Variants in IL1RAPL1 observed in about 807,000 individuals in gnomAD.
IL1RAPL1 encodes the protein interleukin-1 receptor accessory protein-like 1.
A neutral mutation model predicts 48.4 loss-of-function variants in IL1RAPL1; 3 were observed. That is an observed-to-expected ratio of 0.06 (90% CI 0.03 to 0.16). IL1RAPL1 has a LOEUF of 0.16. Ranked by LOEUF, IL1RAPL1 falls within the 10% of genes least tolerant of loss-of-function variation. The pLI is 1.00. For missense variants in IL1RAPL1, 349 were observed against 530.6 expected, an observed-to-expected ratio of 0.66 and a Z score of 3.36; for synonymous variants, 185 against 187.7, an observed-to-expected ratio of 0.99 and a Z score of 0.12.
At chrX:28,877,223 G>A (rs1407911773) in intron 2 of IL1RAPL1, among the ~76,000 whole-genome samples, 1 of 112,086 alleles carries the variant, frequency 8.9e-6, no homozygotes. Context: ...GAACTGTCCT[G>A]GAATGTTATG....
At chrX:29,825,925 A>T (rs1039862022) in intron 6 of IL1RAPL1, among the ~76,000 whole-genome samples, 2 of 111,129 alleles carry the variant, frequency 1.8e-5, no homozygotes, top group Non-Finnish European at 3.8e-5. Flanking sequence ...TCGGGTTGAG[A>T]GTTTTTTGTT....
intron 6 of IL1RAPL1, among the ~76,000 whole-genome samples, chrX:29,676,409 C>CGG (rs1410932983): frequency 1.8e-5 from 2 of 111,747 alleles, no homozygotes; most frequent in Non-Finnish European, 3.8e-5. Context: ...GCAGCAGATA[C>CGG]AGCCTTCATT....
chrX:28,992,562 T>C (rs1428114998), intron 2 of IL1RAPL1, among the ~76,000 whole-genome samples: 1 of 104,645 alleles, frequency 9.6e-6, no homozygotes, highest in Non-Finnish European at 2.0e-5. Context: ...GAAATAACAA[T>C]TGGCTTTATA....
chrX:29,563,331 G>T (rs1375053933), intron 5 of IL1RAPL1, among the ~76,000 whole-genome samples: 3 of 111,578 alleles, frequency 2.7e-5, no homozygotes, highest in African/African-American at 9.8e-5. Flanking sequence ...TAAGAATAGA[G>T]CTAAATTAAA....
At chrX:28,605,339 G>A (rs1934071643) in intron 1 of IL1RAPL1, among the ~76,000 whole-genome samples, 1 of 111,667 alleles carries the variant, frequency 9.0e-6, no homozygotes, top group South Asian at 3.7e-4. Context: ...TACTTTGTTC[G>A]CAATTTTCCC....
chrX:29,919,289 C>A, intron 7 of IL1RAPL1, among the ~76,000 whole-genome samples: 1 of 111,726 alleles, frequency 9.0e-6, no homozygotes, highest in East Asian at 2.8e-4. Flanking sequence ...CTAACTTTTA[C>A]CCCCTCTGGC....
chrX:29,458,163 A>G (rs1382103511), intron 5 of IL1RAPL1, among the ~76,000 whole-genome samples: 2 of 112,240 alleles, frequency 1.8e-5, no homozygotes, highest in Admixed American at 9.4e-5. Context: ...AGTTCCTTAT[A>G]CATTCTGGAT....
chrX:29,848,826 T>C (rs1041021063), intron 6 of IL1RAPL1, among the ~76,000 whole-genome samples: 1 of 110,784 alleles, frequency 9.0e-6, no homozygotes, highest in Non-Finnish European at 1.9e-5. Flanking sequence ...AGTGCAGTGG[T>C]GCGATCTCGG....
chrX:29,826,085 C>T (rs1930733174), intron 6 of IL1RAPL1, among the ~76,000 whole-genome samples: 1 of 111,530 alleles, frequency 9.0e-6, no homozygotes, highest in Non-Finnish European at 1.9e-5. Context: ...ACCTGTGTTT[C>T]TGGAACCTAA....
intron 2 of IL1RAPL1, among the ~76,000 whole-genome samples, chrX:29,151,853 G>C (rs750295555): frequency 4.5e-5 from 5 of 111,244 alleles, no homozygotes; most frequent in Admixed American, 1.9e-4. Flanking sequence ...TATGAAAGTT[G>C]GAAGTCAGAG....
intron 6 of IL1RAPL1, among the ~76,000 whole-genome samples, chrX:29,684,842 A>C (rs1163312010): frequency 8.9e-6 from 1 of 112,080 alleles, no homozygotes; most frequent in East Asian, 2.8e-4. Flanking sequence ...ATCCCTTCTT[A>C]AATAGCAAGC....
intron 1 of IL1RAPL1, among the ~76,000 whole-genome samples, chrX:28,770,637 G>A (rs1311782193): frequency 8.9e-6 from 1 of 112,306 alleles, no homozygotes; most frequent in African/African-American, 3.2e-5. Flanking sequence ...TAGACATGCA[G>A]CTCTGCCTTT....
At chrX:29,916,605 A>G (rs999577860) in intron 6 of IL1RAPL1, among the ~76,000 whole-genome samples, 1 of 111,932 alleles carries the variant, frequency 8.9e-6, no homozygotes, top group African/African-American at 3.3e-5. Flanking sequence ...TCTTAAAACT[A>G]GTATCTACTG....
At chrX:29,556,092 G>C (rs749581356) in intron 5 of IL1RAPL1, among the ~76,000 whole-genome samples, 5 of 111,505 alleles carry the variant, frequency 4.5e-5, no homozygotes, top group Middle Eastern at 4.6e-3. Context: ...TACCTCCCTC[G>C]TGAGTTGTAA....
intron 5 of IL1RAPL1, among the ~76,000 whole-genome samples, chrX:29,587,152 G>A (rs1923198601): frequency 9.0e-6 from 1 of 111,415 alleles, no homozygotes; most frequent in South Asian, 3.7e-4. Context: ...AGAAACAACA[G>A]AGGAGTTTAG....
At chrX:29,623,281 C>CA (rs778619420) in intron 5 of IL1RAPL1, among the ~76,000 whole-genome samples, 1,972 of 88,044 alleles carry the variant, frequency 0.022, 31 homozygotes, top group African/African-American at 0.049. Context: ...GACTCCGTCT[C>CA]AAAAAAAAAA....
At chrX:29,234,924 A>G (rs765881081) in intron 2 of IL1RAPL1, among the ~76,000 whole-genome samples, 21 of 112,625 alleles carry the variant, frequency 1.9e-4, no homozygotes, top group Non-Finnish European at 3.0e-4. Flanking sequence ...ATAACATTTA[A>G]GGCCCTTTAC....
intron 5 of IL1RAPL1, among the ~76,000 whole-genome samples, chrX:29,594,768 C>A (rs1923488284): frequency 2.7e-5 from 3 of 111,061 alleles, no homozygotes; most frequent in South Asian, 7.7e-4. Context: ...TTTTAAGGAA[C>A]AAGTGGTGTT....
intron 6 of IL1RAPL1, among the ~76,000 whole-genome samples, chrX:29,758,803 CAAAA>C (rs1928684208): frequency 9.1e-6 from 1 of 110,345 alleles, no homozygotes; most frequent in Non-Finnish European, 1.9e-5. Context: ...AACAAAAAAA[CAAAA>C]CAAACAAACA....
Sources: gnomAD v4.1 joint callset for allele counts (sites outside exome capture counted in the v4.1 genomes callset) on GRCh38, gnomAD v4.1.1 for gene constraint, MANE v1.5 for transcripts, NCBI Gene and HGNC (gene_info 2026-07-23, HGNC 2026-07-21) for gene names.